The following AGAP1 variants were observed in gnomAD, a reference collection of about 807,000 sequenced individuals.
AGAP1 encodes the protein arf-GAP with GTPase, ANK repeat and PH domain-containing protein 1.
Under a neutral mutation model 105.3 loss-of-function variants are expected in AGAP1, and 29 were observed. The observed-to-expected ratio is 0.28, with a 90% CI of 0.21 to 0.38. The LOEUF (loss-of-function observed/expected upper bound fraction) is 0.38. AGAP1 is among the 10% of genes least tolerant of loss of function. AGAP1 has a pLI of 1.00. For synonymous variants in AGAP1, 509 were observed against 485.9 expected, an observed-to-expected ratio of 1.05 and a Z score of -0.63; for missense variants, 998 against 1,165.1, an observed-to-expected ratio of 0.86 and a Z score of 2.09.
Position 236,122,680 on chromosome 2 carries a change from A to ATTTTTTTTTTTTTTTTTTTTTTTTTTTT in AGAP1, c.2371-1219_2371-1218insTTTTTTTTTTTTTTTTTTTTTTTTTTTT, listed in dbSNP as rs71039713. Among the ~76,000 whole-genome samples, 2 of 123,608 alleles carry ATTTTTTTTTTTTTTTTTTTTTTTTTTTT rather than the reference A, an allele frequency of 1.6e-5. 1 individual carries two copies. The highest frequency in any genetic ancestry group is 3.3e-5 in the Non-Finnish European group (2 of 61,076). The allele number at this position is 123,608 out of a possible 152,430, so 81.1% of individuals were successfully genotyped here. A position where few individuals can be genotyped will look rare whatever the true frequency, so the allele number is the denominator to read the frequency against. On this transcript the variant is annotated intron_variant, in intron 17 of 17. Coordinates refer to ENST00000304032, the MANE Select transcript of AGAP1 (RefSeq NM_001037131.3). ...CCGGGCACTGTTTCTTCCAGTGACA[A>ATTTTTTTTTTTTTTTTTTTTTTTTTTTT]TTTTTTTTTTTTTTTTTTTTGAGAC...
intron 1 of AGAP1, among the ~76,000 whole-genome samples, chr2:235,516,656 C>A (rs1199619913): frequency 1.3e-5 from 2 of 152,180 alleles, no homozygotes; most frequent in Non-Finnish European, 2.9e-5. Flanking sequence ...GCCTCTGGCC[C>A]TGTGCACCCT....
rs1320560425 is a variant in AGAP1, at chr2:235,556,127, A to G, written c.163+61278A>G. ...TGGACGGGGGCACTGAGACCTGAAG[A>G]AGGGTTGTGCATGTGGGAGGGAGCC... On this transcript the variant is annotated intron_variant, in intron 1 of 17. Coordinates refer to ENST00000304032, the MANE Select transcript of AGAP1 (RefSeq NM_001037131.3). The surrounding 1 kb of genome is among the most constrained non-coding windows in gnomAD (Gnocchi z 5.3). 6.6e-6 allele frequency among the ~76,000 whole-genome samples: 1 copy of G among 152,194 alleles called. No individual in the cohort carries two copies. The highest frequency in any genetic ancestry group is 2.4e-5 in the African/African-American group (1 of 41,440).
chr2:235,822,503 G>A (rs533880022), intron 9 of AGAP1, among the ~76,000 whole-genome samples: 53 of 152,134 alleles, frequency 3.5e-4, no homozygotes, highest in African/African-American at 1.1e-3. Context: ...CAAGAATGAA[G>A]AGAAGCTGGA....
chr2:236,049,448 G>A (rs975908042), intron 16 of AGAP1, 167 bp downstream of exon 16: 1 of 631,594 alleles, frequency 1.6e-6, no homozygotes, highest in African/African-American at 1.8e-5. Context: ...TTGGTCTTGA[G>A]CAGACGTGGA....
chr2:235,710,526 C>T (rs1360948158), intron 2 of AGAP1, among the ~76,000 whole-genome samples: 1 of 152,196 alleles, frequency 6.6e-6, no homozygotes, highest in Non-Finnish European at 1.5e-5. Flanking sequence ...CTGAAGGTCT[C>T]TGGGCTGTCT....
At chr2:235,670,329 A>AGGGCGCCGAGGAACCGGAG in intron 1 of AGAP1, 1 of 482,008 alleles carries the variant, frequency 2.1e-6, no homozygotes. Context: ...GAGGAGGCGG[A>AGGGCGCCGAGGAACCGGAG]GGGCGCCGAG....
At chr2:235,918,233 T>C (rs922760453) in intron 11 of AGAP1, among the ~76,000 whole-genome samples, 10 of 152,242 alleles carry the variant, frequency 6.6e-5, no homozygotes, top group African/African-American at 2.4e-4. Context: ...TAAGTACCCT[T>C]CTAGCACCTT....
At chr2:236,107,383 C>T (rs866199084) in intron 16 of AGAP1, among the ~76,000 whole-genome samples, 1 of 152,184 alleles carries the variant, frequency 6.6e-6, no homozygotes, top group Non-Finnish European at 1.5e-5. Flanking sequence ...TCCTCCCTGC[C>T]GGGCTGCTGT....
intron 6 of AGAP1, among the ~76,000 whole-genome samples, chr2:235,756,662 C>T (rs1301171132): frequency 6.6e-6 from 1 of 152,146 alleles, no homozygotes; most frequent in Admixed American, 6.5e-5. Context: ...AGTCAGGCTG[C>T]ACAGGAGGTG....
In AGAP1 at chr2:235,691,730, C is replaced by G. The variant is rs1949742457; in HGVS notation, c.164-17449C>G. 6.6e-6 allele frequency among the ~76,000 whole-genome samples: 1 copy of G among 152,242 alleles called. No individual in the cohort carries two copies. The highest frequency in any genetic ancestry group is 2.4e-5 in the African/African-American group (1 of 41,466). On this transcript the variant is annotated intron_variant, in intron 1 of 17. Transcript: ENST00000304032. The surrounding 1 kb of genome is among the most constrained non-coding windows in gnomAD (Gnocchi z 4.4). ...GGGCCTCTTGGTCTGGGGACCACGC[C>G]TCCCTTCCCTTCCTTCCCTGTCCTG...
Position 235,781,888 on chromosome 2 carries a change from G to A in AGAP1, c.674-15871G>A, listed in dbSNP as rs535573822. ...TGCCGCTAGTGTATACGGAGTTTCC[G>A]CATTCCTTTTGTAGAATCAAGGAAG... On this transcript the variant is annotated intron_variant, in intron 6 of 17. Transcript: ENST00000304032. Among the ~76,000 whole-genome samples the A allele has an allele frequency of 2.6e-5, 4 of 152,178 alleles. No homozygotes were observed. In the South Asian group the frequency reaches 6.2e-4, roughly 24 times the overall value.
rs1209974453 is a variant in AGAP1 at position 236,038,273 on chromosome 2, A to G, written c.1800+1558A>G. On this transcript the variant is annotated intron_variant, in intron 14 of 17. Transcript: ENST00000304032. This position sits in a 1 kb window ranked among gnomAD's most constrained non-coding sequence, Gnocchi z 4.5. ...CTCCAAGCGTGGGCAGCTCATTCTG[A>G]GAAGGAAGGCAGGGAGGCAGGCTGT... Among the ~76,000 whole-genome samples the G allele has an allele frequency of 6.6e-6, 1 of 152,170 alleles. No homozygotes were observed. The highest frequency in any genetic ancestry group is 2.4e-5 in the African/African-American group (1 of 41,432).
At chr2:235,589,194 GTTTTTTTTTT>G (rs928149334) in intron 1 of AGAP1, among the ~76,000 whole-genome samples, 16 of 59,614 alleles carry the variant, frequency 2.7e-4, no homozygotes, top group East Asian at 6.8e-4. Flanking sequence ...TTATTGTTTT[GTTTTTTTTTT>G]TTTTTTTTTT....
chr2:235,677,910 A>G (rs1948836809), intron 1 of AGAP1, among the ~76,000 whole-genome samples: 1 of 4,078 alleles, frequency 2.5e-4, no homozygotes, highest in Non-Finnish European at 4.6e-4. Flanking sequence ...CTTTACCAAA[A>G]AAAAAAAAAA....
rs537606162 is a variant in AGAP1, at chr2:235,865,390, C to G, written c.1051-17955C>G. 1.3e-5 allele frequency among the ~76,000 whole-genome samples: 2 copies of G among 152,338 alleles called. No individual in the cohort carries two copies. The highest frequency in any genetic ancestry group is 3.9e-4 in the East Asian group (2 of 5,182). On this transcript the variant is annotated intron_variant, in intron 9 of 17. Transcript: ENST00000304032. The surrounding 1 kb of genome is among the most constrained non-coding windows in gnomAD (Gnocchi z 6.2). ...TTGGGTTCCGCAAATAGGGCACCCA[C>G]AGTAACACGTGTGGCGCCGACCCCG...
At chr2:236,016,487 G>A (rs1467943385) in intron 13 of AGAP1, among the ~76,000 whole-genome samples, 4 of 150,900 alleles carry the variant, frequency 2.7e-5, no homozygotes, top group Non-Finnish European at 5.9e-5. Context: ...CAAATGCAGT[G>A]TATAGAAAAT....
At chr2:236,107,024 C>G (rs1325996821) in intron 16 of AGAP1, among the ~76,000 whole-genome samples, 1 of 152,226 alleles carries the variant, frequency 6.6e-6, no homozygotes, top group Non-Finnish European at 1.5e-5. Flanking sequence ...GGGTCTGGAC[C>G]TGCTGTGTGG....
chr2:235,824,816 G>A lies in AGAP1; in HGVS notation c.1050+17485G>A, dbSNP rs1958980073. Among the ~76,000 whole-genome samples the A allele has an allele frequency of 6.6e-6, 1 of 152,102 alleles. No individual in the cohort carries two copies. Among genetic ancestry groups the A allele is most frequent in the Non-Finnish European group, 1.5e-5 (1 of 68,012 alleles). On this transcript the variant is annotated intron_variant, in intron 9 of 17. Coordinates refer to ENST00000304032, the MANE Select transcript of AGAP1 (RefSeq NM_001037131.3). This position sits in a 1 kb window ranked among gnomAD's most constrained non-coding sequence, Gnocchi z 5.2. The stretch of plus-strand genomic sequence containing the variant: ...CTGTGTTTTTCTCAGGCATATTGTT[G>A]TTTTATGTATACCCATCAAGGTAAC...
At chr2:235,681,146 A>C (rs1220771785) in intron 1 of AGAP1, among the ~76,000 whole-genome samples, 1 of 152,040 alleles carries the variant, frequency 6.6e-6, no homozygotes, top group Non-Finnish European at 1.5e-5. Flanking sequence ...GTAGCTGGGA[A>C]TACAGGTGCC....
Sources: gnomAD v4.1 joint callset for allele counts (sites outside exome capture counted in the v4.1 genomes callset) on GRCh38, gnomAD v4.1.1 for gene constraint, Gnocchi (gnomAD v3.1) non-coding constraint, MANE v1.5 for transcripts, NCBI Gene and HGNC (gene_info 2026-07-23, HGNC 2026-07-21) for gene names.